Variants in DYNC2H1 observed in about 807,000 individuals in gnomAD.
DYNC2H1 encodes dynein cytoplasmic 2 heavy chain 1.
In DYNC2H1, 410 loss-of-function variants were observed where a neutral mutation model predicts 570.0. The observed-to-expected ratio is 0.72, with a 90% CI of 0.66 to 0.78. The LOEUF (loss-of-function observed/expected upper bound fraction) is 0.78, where lower values mean the gene tolerates loss of function less well. Ranked by LOEUF, DYNC2H1 falls within the 30% of genes least tolerant of loss-of-function variation. DYNC2H1 has a pLI of 0.00. For missense variants in DYNC2H1, 4,865 were observed against 5,046.4 expected, an observed-to-expected ratio of 0.96 and a Z score of 1.09; for synonymous variants, 1,688 against 1,677.6, an observed-to-expected ratio of 1.01 and a Z score of -0.15.
chr11:103,309,177 T>TTTC (rs1867449966), intron 78 of DYNC2H1, among the ~76,000 whole-genome samples: 1 of 111,984 alleles, frequency 8.9e-6, no homozygotes, highest in Admixed American at 9.5e-5. Flanking sequence ...TATTTTTTTT[T>TTTC]TTTTTTTTTT....
chr11:103,256,157 T>G lies in DYNC2H1; in HGVS notation c.10378T>G (p.Ser3460Ala). ...NILENKDLIE[S>A]LNQTKASSAL... Reference sequence around the variant, plus strand: ...TTTGGAAAATAAGGATTTGATTGAGTCTTTGAATCAGACAAAAGCAAGCAG... The same window carrying G: ...TTTGGAAAATAAGGATTTGATTGAGGCTTTGAATCAGACAAAAGCAAGCAG... Residue 3460 changes from serine to alanine, a missense_variant, in exon 68 of 89, where the codon TCT becomes GCT. Ser to Ala is a moderately conservative substitution (Grantham distance 99). This residue lies in a region of DYNC2H1 where 2,401 missense variants were observed against 2,454.6 expected (regional missense o/e 0.98). Transcript: ENST00000375735. This position sits in a 1 kb window ranked among gnomAD's most constrained non-coding sequence, Gnocchi z 4.0. The G allele has an allele frequency of 3.7e-6, 6 of 1,608,850 alleles. No homozygotes were observed. Among genetic ancestry groups the G allele is most frequent in the Non-Finnish European group, 5.1e-6 (6 of 1,177,140 alleles).
Position 103,259,881 on chromosome 11 carries a change from T to A in DYNC2H1, c.10606-7T>A, listed in dbSNP as rs771905098. The stretch of plus-strand genomic sequence containing the variant: ...TTTCCTAATGAATTTCCAATTATAA[T>A]CTACAGGATTCTGAAAATACAGAAC... On this transcript the variant is annotated splice_polypyrimidine_tract_variant and splice_region_variant and intron_variant, in intron 69 of 88. Coordinates refer to ENST00000375735, the MANE Select transcript of DYNC2H1 (RefSeq NM_001377.3). 1.3e-6 allele frequency: 2 copies of A among 1,500,786 alleles called. No homozygotes were observed. Among genetic ancestry groups the A allele is most frequent in the South Asian group, 1.3e-5 (1 of 74,976 alleles). 93.0% of individuals were successfully genotyped at this position (1,500,786 alleles called of 1,614,324 possible).
Position 103,153,513 on chromosome 11 carries a change from G to A in DYNC2H1, c.3302+5G>A. 1 of 1,547,014 alleles carries A rather than the reference G, an allele frequency of 6.5e-7. No individual in the cohort carries two copies. The highest frequency in any genetic ancestry group is 8.7e-7 in the Non-Finnish European group (1 of 1,149,674). ...AGTCACAAGAAAAAAGCTGGTGTAT[G>A]TTTTTTCTTTAAAATTGATAGTGCT... On this transcript the variant is annotated splice_donor_5th_base_variant and intron_variant, in intron 22 of 88. Transcript: ENST00000375735.
chr11:103,278,133 G>C (rs1212885295), intron 70 of DYNC2H1, among the ~76,000 whole-genome samples: 1 of 151,972 alleles, frequency 6.6e-6, no homozygotes, highest in African/African-American at 2.4e-5. Flanking sequence ...GGTATTTGTA[G>C]CTGGAATGTT....
Position 103,135,899 on chromosome 11 carries a change from A to G in DYNC2H1, c.2525A>G (p.Lys842Arg). The stretch of plus-strand genomic sequence containing the variant: ...AGTGGATTTTTGACGATTTTCAGCA[A>G]AGCAGAAGATCTGTTTAGAAGATTG... The part of the protein sequence containing the change: ...NASGFLTIFS[K>R]AEDLFRRLSA... Residue 842 changes from lysine (K) to arginine (R), a missense_variant, in exon 17 of 89, where the codon AAA becomes AGA. Transcript: ENST00000375735. The G allele has an allele frequency of 6.2e-7, 1 of 1,613,018 alleles. No homozygotes were observed. Among genetic ancestry groups the G allele is most frequent in the Admixed American group, 1.7e-5 (1 of 59,882 alleles).
chr11:103,172,227 T>A (rs965428143), intron 34 of DYNC2H1, among the ~76,000 whole-genome samples: 21 of 152,088 alleles, frequency 1.4e-4, no homozygotes, highest in African/African-American at 4.3e-4. Flanking sequence ...TTCTTCTACA[T>A]TCACTTTTTT....
At position 103,142,024 on chromosome 11, in the gene DYNC2H1, A is replaced by G. The variant is rs150734574; in HGVS notation, c.2575-1244A>G. On this transcript the variant is annotated intron_variant, in intron 17 of 88. Coordinates refer to ENST00000375735, the MANE Select transcript of DYNC2H1 (RefSeq NM_001377.3). ...GGACCCTCCCAGCCATGTGCAGGAT[A>G]TAATCTCCTGGTGTGCCATTTTTGA... Among the ~76,000 whole-genome samples, 421 of 152,322 alleles carry G rather than the reference A, an allele frequency of 2.8e-3. 1 individual carries two copies. The highest frequency in any genetic ancestry group is 4.3e-3 in the Admixed American group (66 of 15,300).
rs147729386 is a variant in DYNC2H1, at chr11:103,395,429, A to G, written c.12157-4234A>G. Among the ~76,000 whole-genome samples, 198 of 151,762 alleles carry G rather than the reference A, an allele frequency of 1.3e-3. No individual in the cohort carries two copies. The highest frequency in any genetic ancestry group is 4.5e-3 in the African/African-American group (186 of 41,378). Reference sequence around the variant, plus strand: ...AATATATACATGCATATGATCATGTATGTTACATATGATCATTGTATCACT... The same window carrying G: ...AATATATACATGCATATGATCATGTGTGTTACATATGATCATTGTATCACT... On this transcript the variant is annotated intron_variant, in intron 83 of 88. Coordinates refer to ENST00000375735, the MANE Select transcript of DYNC2H1 (RefSeq NM_001377.3). This position sits in a 1 kb window ranked among gnomAD's most constrained non-coding sequence, Gnocchi z 4.3.
At chr11:103,436,124 C>T in intron 85 of DYNC2H1, 92 bp downstream of exon 85, 1 of 1,058,782 alleles carries the variant, frequency 9.4e-7, no homozygotes, top group Admixed American at 2.5e-5. Flanking sequence ...GTGAGAATTA[C>T]ACTATGATTT....
chr11:103,455,259 A>C lies in DYNC2H1; in HGVS notation c.12530A>C (p.Asp4177Ala), dbSNP rs1396119791. 1 of 1,613,498 alleles carries C rather than the reference A, an allele frequency of 6.2e-7. No individual in the cohort carries two copies. The highest frequency in any genetic ancestry group is 1.1e-5 in the South Asian group (1 of 91,062). Residue 4177 changes from aspartate to alanine, a missense_variant, in exon 86 of 89, where the codon GAC becomes GCC. This residue lies in a region of DYNC2H1 where 2,401 missense variants were observed against 2,454.6 expected (regional missense o/e 0.98). Coordinates refer to ENST00000375735, the MANE Select transcript of DYNC2H1 (RefSeq NM_001377.3). ...TLDLSELFHP[D>A]TFLNALRQET... is the part of the protein sequence containing the mutation. The stretch of plus-strand genomic sequence containing the variant: ...GACCTATCAGAACTTTTCCATCCAG[A>C]CACATTTCTTAATGCTCTTCGCCAG...
intron 87 of DYNC2H1, among the ~76,000 whole-genome samples, chr11:103,467,398 A>G (rs1426930186): frequency 6.6e-6 from 1 of 152,160 alleles, no homozygotes; most frequent in African/African-American, 2.4e-5. Context: ...TAGCACCTAA[A>G]CCATTCCCTG....
At chr11:103,212,260 C>T (rs1231370992) in intron 54 of DYNC2H1, among the ~76,000 whole-genome samples, 1 of 151,682 alleles carries the variant, frequency 6.6e-6, no homozygotes, top group East Asian at 1.9e-4. Context: ...CTCTGTTATT[C>T]AGCATAAGAT....
Position 103,125,155 on chromosome 11 carries a change from G to C in DYNC2H1, c.1717G>C (p.Val573Leu). Residue 573 changes from valine to leucine, a missense_variant, in exon 12 of 89, where the codon GTG (valine) becomes CTG (leucine). By Grantham distance (32) the Val-to-Leu change is conservative. Around this residue, in one of 5 missense-constraint regions of DYNC2H1, gnomAD observed 1,936 missense variants for 1,962.1 expected, o/e 0.99. Coordinates refer to ENST00000375735, the MANE Select transcript of DYNC2H1 (RefSeq NM_001377.3). ...GGATTCTAATGATGGATTACTAAAA[G>C]TGCATTATTCAGATCGTTTGGTGAT... ...ELDSNDGLLK[V>L]HYSDRLVILL... is the part of the protein sequence containing the mutation. The C allele has an allele frequency of 6.2e-7, 1 of 1,613,428 alleles. No homozygotes were observed. The highest frequency in any genetic ancestry group is 2.2e-5 in the East Asian group (1 of 44,790).
intron 84 of DYNC2H1, among the ~76,000 whole-genome samples, chr11:103,413,471 G>C (rs992739346): frequency 2.0e-5 from 3 of 152,042 alleles, no homozygotes; most frequent in Non-Finnish European, 4.4e-5. Context: ...TTTTACTTAA[G>C]AAGACTGTGA....
At chr11:103,190,849 A>T (rs1337949648) in intron 45 of DYNC2H1, among the ~76,000 whole-genome samples, 2 of 151,874 alleles carry the variant, frequency 1.3e-5, no homozygotes, top group Non-Finnish European at 2.9e-5. Context: ...GGTTCCCAGC[A>T]TTAAAAAATG....
At chr11:103,346,026 TA>T (rs1939726556) in intron 82 of DYNC2H1, among the ~76,000 whole-genome samples, 2 of 152,226 alleles carry the variant, frequency 1.3e-5, no homozygotes, top group African/African-American at 4.8e-5. Flanking sequence ...AGAATTGTAT[TA>T]TTTTTTCATA....
intron 70 of DYNC2H1, among the ~76,000 whole-genome samples, chr11:103,267,699 T>G (rs1427176072): frequency 6.6e-6 from 1 of 152,104 alleles, no homozygotes; most frequent in Non-Finnish European, 1.5e-5. Context: ...AAGGAAACCT[T>G]AAAGATCCAT....
intron 83 of DYNC2H1, among the ~76,000 whole-genome samples, chr11:103,387,461 C>T (rs111852608): frequency 0.053 from 8,056 of 152,240 alleles, 284 homozygotes; most frequent in Non-Finnish European, 0.071. Context: ...TGCCTGTTCT[C>T]TCTGATGGTA....
Position 103,321,193 on chromosome 11 carries a change from A to AT in DYNC2H1, c.11895dup (p.Pro3966SerfsTer20), listed in dbSNP as rs1310779676. 1 of 1,611,212 alleles carries AT rather than the reference A, an allele frequency of 6.2e-7. No homozygotes were observed. The highest frequency in any genetic ancestry group is 8.5e-7 in the Non-Finnish European group (1 of 1,178,442). The stretch of plus-strand genomic sequence containing the variant: ...ATTCAACCAAAGGAACAAGAAAAGC[A>AT]TTTTTCCATATTCCGTATCTCTACC... On this transcript the variant is annotated frameshift_variant, in exon 81 of 89. Transcript: ENST00000375735. LOFTEE classifies it high-confidence loss of function.
Sources: gnomAD v4.1 joint callset for allele counts (sites outside exome capture counted in the v4.1 genomes callset) on GRCh38, gnomAD v4.1.1 for gene constraint, gnomAD v4.1.1 regional missense constraint, Gnocchi (gnomAD v3.1) non-coding constraint, MANE v1.5 for transcripts, NCBI Gene and HGNC (gene_info 2026-07-23, HGNC 2026-07-21) for gene names.